The following STAT5B variants were observed in gnomAD, a reference collection of about 807,000 sequenced individuals.
STAT5B encodes transcription factor STAT5B.
In STAT5B, 21 loss-of-function variants were observed where a neutral mutation model predicts 107.8. The ratio of observed to expected loss-of-function variants is 0.19; its 90% CI spans 0.14 to 0.28. The LOEUF is 0.28. Among genes scored for constraint, STAT5B ranks in the 10% least tolerant of loss-of-function variants. The pLI is 1.00. For synonymous variants in STAT5B, 325 were observed against 401.7 expected (o/e 0.81, Z 2.28); for missense variants, 565 against 1,008.2 (o/e 0.56, Z 5.95).
intron 2 of STAT5B, among the ~76,000 whole-genome samples, chr17:42,230,303 T>C (rs771864967): frequency 4.7e-4 from 71 of 152,266 alleles, no homozygotes; most frequent in Non-Finnish European, 7.9e-4. Context: ...CCTTTGCAAA[T>C]AGCAGCATCA....
rs147638954 is a variant in STAT5B at position 42,266,288 on chromosome 17, G to C, written c.-11+9960C>G. Among the ~76,000 whole-genome samples, 1,492 of 152,018 alleles carry C rather than the reference G, an allele frequency of 9.8e-3. 18 individuals carry two copies. Among genetic ancestry groups the C allele is most frequent in the African/African-American group, 0.034 (1,427 of 41,470 alleles). Reference sequence around the variant, plus strand: ...CACACCTGCAGTCCCATCTACTCTGGAGGCTGAGGTGGGAGGATCACTTGA... The same window carrying C: ...CACACCTGCAGTCCCATCTACTCTGCAGGCTGAGGTGGGAGGATCACTTGA... On this transcript the variant is annotated intron_variant, in intron 1 of 18. Transcript: ENST00000293328.
intron 1 of STAT5B, among the ~76,000 whole-genome samples, chr17:42,267,116 G>A (rs1362111877): frequency 6.6e-6 from 1 of 152,176 alleles, no homozygotes; most frequent in African/African-American, 2.4e-5. Flanking sequence ...TGACTCACAT[G>A]TTTGTGGCAA....
At chr17:42,201,986 G>C in intron 18 of STAT5B, 122 bp from the exon 19 acceptor site, 2 of 917,816 alleles carry the variant, frequency 2.2e-6, no homozygotes, top group South Asian at 3.0e-5. Context: ...GGGCTTCATG[G>C]GAAAAGAACA....
At chr17:42,207,528 AAAATC>A (rs2080096144) in intron 16 of STAT5B, 25 bp downstream of exon 16, 2 of 1,611,844 alleles carry the variant, frequency 1.2e-6, no homozygotes, top group Non-Finnish European at 1.7e-6. Context: ...CACACACAAC[AAAATC>A]AAATCAGAAT....
chr17:42,281,707 G>A (rs2080796333), upstream of STAT5B, among the ~76,000 whole-genome samples: 2 of 152,250 alleles, frequency 1.3e-5, no homozygotes, highest in East Asian at 3.9e-4. Context: ...TTGCTCCTGT[G>A]TGCCTCACCA....
Position 42,227,604 on chromosome 17 carries a change from C to G in STAT5B, c.210G>C (p.Lys70Asn). The G allele has an allele frequency of 6.2e-7, 1 of 1,614,010 alleles. No homozygotes were observed. The highest frequency in any genetic ancestry group is 8.5e-7 in the Non-Finnish European group (1 of 1,179,960). The change falls in exon 3 of 19, where the codon AAG becomes AAC. Residue 70 changes from lysine to asparagine, a missense_variant. Physicochemically the swap from Lys to Asn is moderately conservative, Grantham distance 94 (BLOSUM62 0). This residue lies in a region of STAT5B where 83 missense variants were observed against 145.1 expected (regional missense o/e 0.57). Transcript: ENST00000293328. Reference protein sequence around the residue: ...LLEGLVQELQKKAEHQVGEDG... With the variant: ...LLEGLVQELQNKAEHQVGEDG... ...CTTCCCCCACCTGGTGCTCTGCCTT[C>G]TTCTGCAGCTCCTGCACCAGGCCCT...
rs1362600092 is a variant in STAT5B at position 42,276,182 on chromosome 17, G to A, written c.-11+66C>T. 1.4e-5 allele frequency: 2 copies of A among 147,870 alleles called. No individual in the cohort carries two copies. Among genetic ancestry groups the A allele is most frequent in the Admixed American group, 6.7e-5 (1 of 14,924 alleles). The allele number at this position is 147,870 out of a possible 1,614,324, so 9.2% of individuals were successfully genotyped here. On this transcript the variant is annotated intron_variant, in intron 1 of 18. Coordinates refer to ENST00000293328, the MANE Select transcript of STAT5B (RefSeq NM_012448.4). This position sits in a 1 kb window ranked among gnomAD's most constrained non-coding sequence, Gnocchi z 4.8. ...GCTGAGCGGCTGGAGCGCGGGCCCC[G>A]CCCGGGCTGGCTCCCCGGCCTGGCT...
Position 42,227,633 on chromosome 17 carries a change from G to A in STAT5B, c.181C>T (p.Leu61=), listed in dbSNP as rs769947666. The A allele has an allele frequency of 6.2e-7, 1 of 1,614,088 alleles. No individual in the cohort carries two copies. Among genetic ancestry groups the A allele is most frequent in the Admixed American group, 1.7e-5 (1 of 60,006 alleles). ...TGCAGCTCCTGCACCAGGCCCTCCA[G>A]GAGCTGGGTGGCCTTAATGTTCTCC... is the stretch of plus-strand genomic sequence containing the variant. ...PQENIKATQL[L]EGLVQELQKK... Residue 61 remains leucine, a synonymous_variant, in exon 3 of 19, where the codon CTG becomes TTG. Transcript: ENST00000293328.
intron 1 of STAT5B, among the ~76,000 whole-genome samples, chr17:42,237,440 TACTC>T (rs1418419102): frequency 1.3e-5 from 2 of 152,182 alleles, no homozygotes; most frequent in Non-Finnish European, 2.9e-5. Context: ...AGAAAAACAT[TACTC>T]TCTCTCTGAA....
intron 1 of STAT5B, among the ~76,000 whole-genome samples, chr17:42,243,664 C>T (rs2080424647): frequency 6.6e-6 from 1 of 152,104 alleles, no homozygotes. Context: ...ATTCTTTCCA[C>T]TTTTAAGTCA....
At chr17:42,260,176 G>C (rs78831771) in intron 1 of STAT5B, among the ~76,000 whole-genome samples, 109 of 152,204 alleles carry the variant, frequency 7.2e-4, no homozygotes, top group African/African-American at 2.4e-3. Flanking sequence ...CCTGGAAACT[G>C]GTGTTCAATT....
intron 1 of STAT5B, among the ~76,000 whole-genome samples, chr17:42,242,455 T>C (rs1242695042): frequency 6.6e-6 from 1 of 152,184 alleles, no homozygotes; most frequent in African/African-American, 2.4e-5. Context: ...GACAATGCCT[T>C]AACCGAGTGA....
the STAT5B span, among the ~76,000 whole-genome samples, chr17:42,285,939 G>A: frequency 6.6e-6 from 1 of 152,174 alleles, no homozygotes; most frequent in Non-Finnish European, 1.5e-5. Flanking sequence ...CAGAGTGGGG[G>A]CCGGGCATGG....
intron 1 of STAT5B, among the ~76,000 whole-genome samples, chr17:42,258,140 T>C (rs1034478148): frequency 1.3e-5 from 2 of 152,178 alleles, no homozygotes; most frequent in Non-Finnish European, 2.9e-5. Context: ...CTCAAATGTA[T>C]TGAGGAATAA....
intron 1 of STAT5B, among the ~76,000 whole-genome samples, chr17:42,236,438 G>GT (rs1164359348): frequency 6.6e-6 from 1 of 152,128 alleles, no homozygotes; most frequent in African/African-American, 2.4e-5. Context: ...CTATGTAGTG[G>GT]TTTTTTGTTT....
chr17:42,210,713 G>A (rs1490407137), intron 13 of STAT5B: 3 of 543,944 alleles, frequency 5.5e-6, no homozygotes, highest in Non-Finnish European at 1.0e-5. Flanking sequence ...AGCACCCAGT[G>A]GGCTCCTGCT....
chr17:42,284,695 G>T, the STAT5B span, among the ~76,000 whole-genome samples: 1 of 152,236 alleles, frequency 6.6e-6, no homozygotes, highest in Non-Finnish European at 1.5e-5. Flanking sequence ...GCTCCGCACC[G>T]CAGAAAAATG....
intron 1 of STAT5B, among the ~76,000 whole-genome samples, chr17:42,252,796 A>T (rs979764940): frequency 1.3e-5 from 2 of 152,242 alleles, no homozygotes; most frequent in Admixed American, 6.5e-5. Flanking sequence ...CTAACACTTT[A>T]TTGCAGCAAT....
intron 9 of STAT5B, 22 bp from the exon 10 acceptor site, chr17:42,217,486 G>A (rs560560857): frequency 2.3e-5 from 37 of 1,613,788 alleles, no homozygotes; most frequent in South Asian, 1.6e-4. Flanking sequence ...AGAGAGACCA[G>A]CTCCAAACCC....
Sources: allele counts gnomAD v4.1 joint callset (sites outside exome capture counted in the v4.1 genomes callset), GRCh38; gene constraint gnomAD v4.1.1; regional missense constraint gnomAD v4.1.1; non-coding constraint Gnocchi (gnomAD v3.1); transcripts MANE v1.5; gene names NCBI Gene and HGNC (gene_info 2026-07-23, HGNC 2026-07-21).